Variants in MTERF4 observed in about 807,000 individuals in gnomAD.
The protein encoded by MTERF4 is transcription termination factor 4, mitochondrial.
In MTERF4, 17 loss-of-function variants were observed where a neutral mutation model predicts 22.5. The observed-to-expected ratio is 0.75, with a 90% confidence interval of 0.52 to 1.13. MTERF4 has a LOEUF of 1.13. Ranked by LOEUF, MTERF4 falls within the 50% of genes most tolerant of loss-of-function variation. The probability of loss-of-function intolerance (pLI) is 0.00; values close to 1 mark genes in which losing one functional copy is unlikely to be tolerated. For missense variants in MTERF4, 420 were observed against 466.8 expected, an observed-to-expected ratio of 0.90 and a Z score of 0.92; for synonymous variants, 165 against 175.3, an observed-to-expected ratio of 0.94 and a Z score of 0.47.
downstream of MTERF4, chr2:241,068,054 C>G: frequency 9.7e-7 from 1 of 1,031,526 alleles, no homozygotes; most frequent in Non-Finnish European, 1.4e-6. This position sits in a 1 kb window ranked among gnomAD's most constrained non-coding sequence, Gnocchi z 5.3. Flanking sequence ...GACTGTACCA[C>G]CTGCCGCTCC....
At position 241,073,480 on chromosome 2, in the gene MTERF4, C is replaced by A; in HGVS notation, n.2682G>T. On this transcript the variant is annotated non_coding_transcript_exon_variant, in exon 5 of 5. Coordinates refer to the MTERF4 transcript ENST00000464344. The surrounding 1 kb of genome is among the most constrained non-coding windows in gnomAD (Gnocchi z 6.6). ...AGGAATCAGGAGGCACAGAGCCTAC[C>A]TGAGGGGAGGCTGAGCACCAGGCAC... 2 of 859,962 alleles carry A rather than the reference C, an allele frequency of 2.3e-6. No homozygotes were observed. The highest frequency in any genetic ancestry group is 3.8e-6 in the Non-Finnish European group (2 of 521,084). The allele number at this position is 859,962 out of a possible 1,614,324, so 53.3% of individuals were successfully genotyped here. A position where few individuals can be genotyped will look rare whatever the true frequency, so the allele number is the denominator to read the frequency against.
the MTERF4 span, chr2:241,062,834 T>C: frequency 2.5e-6 from 4 of 1,612,186 alleles, no homozygotes; most frequent in Non-Finnish European, 3.4e-6. Flanking sequence ...ATGGGGGCTC[T>C]TGTCAGGACC....
the MTERF4 span, chr2:241,049,045 A>G: frequency 3.1e-6 from 5 of 1,613,384 alleles, no homozygotes; most frequent in Admixed American, 1.7e-5. Flanking sequence ...GCCCTGCAAC[A>G]TGAACACACA....
intron 4 of MTERF4, among the ~76,000 whole-genome samples, chr2:241,080,153 G>A (rs1292604493): frequency 2.0e-5 from 3 of 152,046 alleles, no homozygotes; most frequent in African/African-American, 7.2e-5. Flanking sequence ...GCATGGTGGT[G>A]CGCGCCTGTA....
At chr2:241,071,325 C>T (rs2062702750), downstream of MTERF4, 1 of 579,566 alleles carries the variant, frequency 1.7e-6, no homozygotes, top group Non-Finnish European at 3.1e-6. Flanking sequence ...CTCATGACTC[C>T]CAGGCCAGTG....
chr2:241,084,813 CAGG>C (rs1474638050), downstream of MTERF4, among the ~76,000 whole-genome samples: 1 of 152,194 alleles, frequency 6.6e-6, no homozygotes, highest in Non-Finnish European at 1.5e-5. Context: ...CACAGGTCTG[CAGG>C]AGATGAATTC....
chr2:241,070,074 G>A (rs1362951794), downstream of MTERF4: 1 of 1,613,132 alleles, frequency 6.2e-7, no homozygotes, highest in South Asian at 1.1e-5. Flanking sequence ...TCCCCAACGG[G>A]AAGCTGGCGT....
the MTERF4 span, among the ~76,000 whole-genome samples, chr2:241,050,488 C>T: frequency 6.6e-6 from 1 of 152,130 alleles, no homozygotes; most frequent in Non-Finnish European, 1.5e-5. Context: ...CGCAGAGTGA[C>T]CTGGCACCCT....
At chr2:241,072,382 T>C in exon 5 of MTERF4, 1 of 366,080 alleles carries the variant, frequency 2.7e-6, no homozygotes, top group Non-Finnish European at 5.4e-6. Context: ...TGAGTGCCGC[T>C]CTGGGAATCT....
downstream of MTERF4, chr2:241,082,408 T>C (rs1181139203): frequency 6.8e-7 from 1 of 1,476,106 alleles, no homozygotes; most frequent in Admixed American, 1.7e-5. Context: ...TTGTCGTGTG[T>C]TCTTGACTCC....
chr2:241,078,245 T>C (rs1439971613), intron 4 of MTERF4, among the ~76,000 whole-genome samples: 5 of 151,400 alleles, frequency 3.3e-5, no homozygotes, highest in Admixed American at 6.6e-5. Flanking sequence ...TAGCTGGGCG[T>C]GGTGGCGGGC....
chr2:241,084,133 G>GTTTTTT (rs1448113769), downstream of MTERF4, among the ~76,000 whole-genome samples: 2 of 107,046 alleles, frequency 1.9e-5, no homozygotes, highest in Admixed American at 8.3e-5. Context: ...CAGCGTCTAG[G>GTTTTTT]ATTTTTTTTT....
In MTERF4 at chr2:241,099,485, A is replaced by G. The variant is rs2064602691; in HGVS notation, c.431T>C (p.Val144Ala). 6.2e-7 allele frequency: 1 copy of G among 1,614,146 alleles called. No homozygotes were observed. Among genetic ancestry groups the G allele is most frequent in the Non-Finnish European group, 8.5e-7 (1 of 1,180,034 alleles). Residue 144 changes from valine to alanine, a missense_variant, in exon 2 of 4, where the codon GTC (valine) becomes GCC (alanine). Val to Ala is a moderately conservative substitution (Grantham distance 64). Coordinates refer to ENST00000391980, the MANE Select transcript of MTERF4 (RefSeq NM_182501.4). ...CAATAACTGGGGACTTTTCTTCAAG[A>G]CCACACACACAGGCTCTGGATTCAG... ...LGLNPEPVCV[V>A]LKKSPQLLKL...
At chr2:241,044,770 G>A in the MTERF4 span, among the ~76,000 whole-genome samples, 1 of 152,138 alleles carries the variant, frequency 6.6e-6, no homozygotes, top group South Asian at 2.1e-4. Flanking sequence ...AAGGGGTTGG[G>A]TATTGTTTTT....
downstream of MTERF4, chr2:241,089,269 T>C (rs867393804): frequency 1.3e-5 from 20 of 1,544,052 alleles, no homozygotes; most frequent in Middle Eastern, 1.3e-3. Context: ...CTGCCCCTTA[T>C]AGGAGCCCTC....
chr2:241,067,207 G>A (rs1182316500), downstream of MTERF4, among the ~76,000 whole-genome samples: 2 of 152,216 alleles, frequency 1.3e-5, no homozygotes, highest in African/African-American at 2.4e-5. Flanking sequence ...TGAGTTGCCG[G>A]GAGCTGAGCG....
At chr2:241,059,192 C>T in the MTERF4 span, among the ~76,000 whole-genome samples, 2 of 152,138 alleles carry the variant, frequency 1.3e-5, no homozygotes, top group Admixed American at 1.3e-4. Context: ...CCAGAACTGA[C>T]ACAAGAATAA....
At chr2:241,088,125 G>A (rs1321272555), downstream of MTERF4, 3 of 528,798 alleles carry the variant, frequency 5.7e-6, no homozygotes, top group African/African-American at 1.9e-5. Context: ...CTCTCTCTCT[G>A]ACTCACAGCC....
At chr2:241,063,869 G>GGGTGGA in the MTERF4 span, 1 of 762,492 alleles carries the variant, frequency 1.3e-6, no homozygotes, top group Non-Finnish European at 2.1e-6. Context: ...TGCTGGGGAG[G>GGGTGGA]GCTGAGGGGC....
Sources: allele counts gnomAD v4.1 joint callset (sites outside exome capture counted in the v4.1 genomes callset), GRCh38; gene constraint gnomAD v4.1.1; non-coding constraint Gnocchi (gnomAD v3.1); transcripts MANE v1.5; gene names NCBI Gene and HGNC (gene_info 2026-07-23, HGNC 2026-07-21).